SYTL5: variants seen among roughly 807,000 people sequenced by gnomAD.
The protein encoded by SYTL5 is synaptotagmin-like protein 5.
A neutral mutation model predicts 55.9 loss-of-function variants in SYTL5; 34 were observed. That is an observed-to-expected ratio of 0.61 (90% CI 0.46 to 0.81). The LOEUF is 0.81. Ranked by LOEUF, SYTL5 falls within the 30% of genes least tolerant of loss-of-function variation. SYTL5 has a pLI of 0.00. For synonymous variants in SYTL5, 221 were observed against 188.7 expected, an observed-to-expected ratio of 1.17 and a Z score of -1.40; for missense variants, 637 against 546.7, an observed-to-expected ratio of 1.17 and a Z score of -1.65.
the SYTL5 span, chrX:37,946,478 A>G: frequency 4.1e-6 from 1 of 245,410 alleles, no homozygotes; most frequent in Non-Finnish European, 7.8e-6. Context: ...TAATTCTTGG[A>G]ACTGGATTTT....
rs189567150 is a variant in SYTL5, at chrX:38,040,560, A to G, written c.119+6552A>G. Among the ~76,000 whole-genome samples, 102 of 110,019 alleles carry G rather than the reference A, an allele frequency of 9.3e-4. 1 individual carries two copies. In the Admixed American group the frequency reaches 9.8e-3, roughly 11 times the overall value. ...TTGATTTGATTTTTAAATCCCACAA[A>G]TAAGTGAGAACATGCGAAGTTTGTC... On this transcript the variant is annotated intron_variant, in intron 2 of 16. Transcript: ENST00000297875.
chrX:38,058,518 C>A (rs1287387269), intron 3 of SYTL5, among the ~76,000 whole-genome samples: 1 of 109,875 alleles, frequency 9.1e-6, no homozygotes, highest in Non-Finnish European at 1.9e-5. Context: ...TGAATACTCT[C>A]AATTTTTTTC....
upstream of SYTL5, among the ~76,000 whole-genome samples, chrX:38,001,997 T>C (rs1318068117): frequency 6.3e-5 from 7 of 110,538 alleles, no homozygotes; most frequent in Admixed American, 6.7e-4. Context: ...GTATATCTCC[T>C]AATGCTATCC....
chrX:37,956,955 A>G, the SYTL5 span, among the ~76,000 whole-genome samples: 1 of 111,875 alleles, frequency 8.9e-6, no homozygotes, highest in Admixed American at 9.5e-5. Flanking sequence ...AACACTTGAT[A>G]TCTTTCCTTT....
chrX:37,960,245 C>G, the SYTL5 span, among the ~76,000 whole-genome samples: 3 of 112,255 alleles, frequency 2.7e-5, no homozygotes, highest in East Asian at 8.4e-4. Context: ...CAATTGATCA[C>G]TTAGTCACAC....
rs929021358 is a variant in SYTL5, at chrX:38,115,143, T to C, written c.1596+4661T>C. Among the ~76,000 whole-genome samples the C allele has an allele frequency of 2.7e-5, 3 of 111,997 alleles. No homozygotes were observed. The Admixed American group carries it at 2.8e-4, about 11-fold the overall frequency. On this transcript the variant is annotated intron_variant, in intron 13 of 16. Coordinates refer to ENST00000297875, the MANE Select transcript of SYTL5 (RefSeq NM_138780.3). ...TTAGGTTGTTTCTATATGTTGGCTA[T>C]TGTGAATCACGCTGCAATGAGCATG... is the stretch of plus-strand genomic sequence containing the variant.
chrX:37,900,780 T>A, the SYTL5 span, among the ~76,000 whole-genome samples: 3 of 111,063 alleles, frequency 2.7e-5, no homozygotes, highest in Admixed American at 9.6e-5. Context: ...ACAATTACCA[T>A]GGCCAGGCAG....
the SYTL5 span, among the ~76,000 whole-genome samples, chrX:37,898,773 A>G: frequency 8.9e-6 from 1 of 112,276 alleles, no homozygotes; most frequent in Non-Finnish European, 1.9e-5. Flanking sequence ...TGTGCTAAGT[A>G]CTTATGTAGA....
At chrX:38,064,700 T>C (rs374618924) in intron 3 of SYTL5, among the ~76,000 whole-genome samples, 5 of 111,492 alleles carry the variant, frequency 4.5e-5, no homozygotes, top group African/African-American at 1.6e-4. Context: ...AACCTTTCTG[T>C]GTCCATATGT....
chrX:37,934,784 C>T, the SYTL5 span, among the ~76,000 whole-genome samples: 1 of 109,751 alleles, frequency 9.1e-6, no homozygotes, highest in African/African-American at 3.3e-5. Flanking sequence ...CAGGCACCCG[C>T]CACCACACCC....
intron 13 of SYTL5, among the ~76,000 whole-genome samples, chrX:38,119,875 T>C (rs912522235): frequency 8.9e-6 from 1 of 112,657 alleles, no homozygotes; most frequent in Non-Finnish European, 1.9e-5. Context: ...TAACAGTTGA[T>C]GGCTGGCAGC....
intron 11 of SYTL5, among the ~76,000 whole-genome samples, chrX:38,107,560 A>G (rs1355469900): frequency 8.9e-6 from 1 of 111,952 alleles, no homozygotes; most frequent in Non-Finnish European, 1.9e-5. Context: ...CAATTTAGGA[A>G]CAACGAGCCA....
At chrX:38,066,093 C>T (rs1215771776) in intron 3 of SYTL5, among the ~76,000 whole-genome samples, 6 of 109,987 alleles carry the variant, frequency 5.5e-5, no homozygotes, top group African/African-American at 2.0e-4. Context: ...GAGTGAGATT[C>T]TGTCTCAAAA....
chrX:37,896,027 A>T, the SYTL5 span, among the ~76,000 whole-genome samples: 1 of 112,356 alleles, frequency 8.9e-6, no homozygotes, highest in South Asian at 3.6e-4. Flanking sequence ...TTCATGTGGG[A>T]TGTTGATTTT....
intron 2 of SYTL5, among the ~76,000 whole-genome samples, chrX:38,048,683 C>T (rs73632447): frequency 0.043 from 4,761 of 110,398 alleles, 86 homozygotes; most frequent in Middle Eastern, 0.07. Flanking sequence ...ACCATCAGAT[C>T]TCATAAGATC....
chrX:37,893,698 T>C, the SYTL5 span, among the ~76,000 whole-genome samples: 67 of 78,728 alleles, frequency 8.5e-4, 2 homozygotes, highest in East Asian at 0.013. Flanking sequence ...ATAGATTATA[T>C]ATAATCTATA....
intron 3 of SYTL5, 138 bp downstream of exon 3, chrX:38,054,560 G>T: frequency 1.9e-6 from 1 of 512,838 alleles, no homozygotes; most frequent in Non-Finnish European, 3.1e-6. Flanking sequence ...CACAGGCTTA[G>T]CAATGCCTTG....
upstream of SYTL5, among the ~76,000 whole-genome samples, chrX:38,004,030 T>C (rs1758489434): frequency 8.9e-6 from 1 of 112,343 alleles, no homozygotes; most frequent in African/African-American, 3.2e-5. Flanking sequence ...AGTTTTTAAA[T>C]CAGATCATTA....
At chrX:37,982,641 A>C in the SYTL5 span, among the ~76,000 whole-genome samples, 2 of 111,797 alleles carry the variant, frequency 1.8e-5, no homozygotes, top group African/African-American at 6.5e-5. Context: ...ATAGAAATGT[A>C]ATCTATTTTT....
Sources: allele counts gnomAD v4.1 joint callset (sites outside exome capture counted in the v4.1 genomes callset), GRCh38; gene constraint gnomAD v4.1.1; transcripts MANE v1.5; gene names NCBI Gene and HGNC (gene_info 2026-07-23, HGNC 2026-07-21).